SHC4: variants seen among roughly 807,000 people sequenced by gnomAD.
SHC4 encodes the protein SHC-transforming protein 4.
SHC4 carries 41 observed loss-of-function variants against 69.4 expected under a neutral mutation model. The observed-to-expected ratio is 0.59, with a 90% CI of 0.46 to 0.77. The LOEUF (loss-of-function observed/expected upper bound fraction) is 0.77, where lower values mean the gene tolerates loss of function less well. Ranked by LOEUF, SHC4 falls within the 30% of genes least tolerant of loss-of-function variation. SHC4 has a pLI of 0.00. For synonymous variants in SHC4, 318 were observed against 299.3 expected (o/e 1.06, Z -0.64); for missense variants, 777 against 783.8 (o/e 0.99, Z 0.10).
intron 2 of SHC4, among the ~76,000 whole-genome samples, chr15:48,913,329 G>T (rs1900546607): frequency 6.6e-6 from 1 of 152,010 alleles, no homozygotes; most frequent in Admixed American, 6.5e-5. Context: ...TACCTAGAAG[G>T]ATTATGGCTT....
intron 4 of SHC4, among the ~76,000 whole-genome samples, chr15:48,875,724 A>T (rs1201525662): frequency 6.6e-6 from 1 of 152,204 alleles, no homozygotes; most frequent in Non-Finnish European, 1.5e-5. Context: ...GTCATTTTGC[A>T]TCGGTATATG....
intron 1 of SHC4, among the ~76,000 whole-genome samples, chr15:48,935,400 G>T (rs1284775953): frequency 6.6e-6 from 1 of 152,146 alleles, no homozygotes; most frequent in African/African-American, 2.4e-5. Flanking sequence ...GGCTTCTCAA[G>T]GGCAGGGAGT....
Position 48,856,005 on chromosome 15 carries a change from G to A in SHC4, c.1190C>T (p.Ala397Val). 1 of 1,613,870 alleles carries A rather than the reference G, an allele frequency of 6.2e-7. No individual in the cohort carries two copies. The change falls in exon 8 of 12, where the codon GCC becomes GTC. Residue 397 changes from alanine (A) to valine (V), a missense_variant. By Grantham distance (64) the Ala-to-Val change is moderately conservative (BLOSUM62 0). Coordinates refer to ENST00000332408, the MANE Select transcript of SHC4 (RefSeq NM_203349.4). ...GGGGCAGTAAGCCATTTGTTCCGTGGCTTGAACTTTGATCCGCATATCTGA... is the reference window on the plus strand; with the variant it reads ...GGGGCAGTAAGCCATTTGTTCCGTGACTTGAACTTTGATCCGCATATCTGA... ...GVSDMRIKVQ[A>V]TEQMAYCPIQ...
At chr15:48,905,513 G>T (rs1019143299) in intron 2 of SHC4, among the ~76,000 whole-genome samples, 1 of 152,192 alleles carries the variant, frequency 6.6e-6, no homozygotes, top group African/African-American at 2.4e-5. Context: ...CTAGAGGCTG[G>T]CCACTGTATC....
intron 2 of SHC4, among the ~76,000 whole-genome samples, chr15:48,921,181 A>T (rs751471227): frequency 1.3e-5 from 2 of 152,162 alleles, no homozygotes; most frequent in East Asian, 3.8e-4. Context: ...TCTTGAATAC[A>T]TTGTGCTAAA....
intron 1 of SHC4, among the ~76,000 whole-genome samples, chr15:48,960,625 A>G (rs1595771397): frequency 6.6e-6 from 1 of 152,046 alleles, no homozygotes; most frequent in Non-Finnish European, 1.5e-5. Context: ...TGAGATCCTA[A>G]TTGTCTGTTT....
chr15:48,958,509 C>A (rs982244804), intron 1 of SHC4, among the ~76,000 whole-genome samples: 2 of 152,146 alleles, frequency 1.3e-5, no homozygotes, highest in African/African-American at 4.8e-5. Context: ...TGCCAAAGCT[C>A]GTCAAGGTTG....
intron 3 of SHC4, among the ~76,000 whole-genome samples, chr15:48,889,502 C>G (rs62010875): frequency 0.16 from 23,729 of 152,132 alleles, 2,125 homozygotes; most frequent in East Asian, 0.28. Flanking sequence ...GTCTCAGACT[C>G]AGTTTAGTAG....
At chr15:48,919,285 A>T (rs903318719) in intron 2 of SHC4, among the ~76,000 whole-genome samples, 1 of 75,278 alleles carries the variant, frequency 1.3e-5, no homozygotes, top group Non-Finnish European at 3.0e-5. Flanking sequence ...ACTCTTAAAA[A>T]TTTATTTTAA....
intron 6 of SHC4, 99 bp downstream of exon 6, chr15:48,867,719 G>A: frequency 2.0e-6 from 2 of 1,022,590 alleles, no homozygotes; most frequent in East Asian, 4.8e-5. Context: ...TAGCACCCTA[G>A]TGATAGTCAT....
intron 2 of SHC4, among the ~76,000 whole-genome samples, chr15:48,909,715 T>C (rs375374372): frequency 6.6e-6 from 1 of 152,312 alleles, no homozygotes; most frequent in African/African-American, 2.4e-5. Flanking sequence ...TTTTATTAAA[T>C]TAAGGTGTGT....
intron 2 of SHC4, among the ~76,000 whole-genome samples, chr15:48,920,015 G>GTT (rs11293084): frequency 1.2e-4 from 17 of 139,480 alleles, no homozygotes; most frequent in Non-Finnish European, 1.4e-4. Context: ...CACGGAGTTT[G>GTT]TTTTTTTTTT....
Position 48,843,393 on chromosome 15 carries a change from G to A in SHC4, c.1483+16C>T. On this transcript the variant is annotated intron_variant, in intron 10 of 11. Transcript: ENST00000332408. ...CAGCCCTAAGAAATGAATACAGACA[G>A]TGAGTAGCTACTTACTTCCGCAGTG... 1 of 1,594,062 alleles carries A rather than the reference G, an allele frequency of 6.3e-7. No homozygotes were observed. Among genetic ancestry groups the A allele is most frequent in the Non-Finnish European group, 8.6e-7 (1 of 1,167,178 alleles).
At chr15:48,891,974 C>A (rs1900145281) in intron 2 of SHC4, among the ~76,000 whole-genome samples, 2 of 152,194 alleles carry the variant, frequency 1.3e-5, no homozygotes, top group African/African-American at 4.8e-5. Context: ...CCTGCCTCAG[C>A]CTCCCGAGTA....
At chr15:48,866,651 T>C (rs560320682) in intron 6 of SHC4, among the ~76,000 whole-genome samples, 9 of 152,370 alleles carry the variant, frequency 5.9e-5, no homozygotes, top group African/African-American at 1.9e-4. Flanking sequence ...GTCTGTCCTA[T>C]AGATGCCTTT....
chr15:48,911,796 G>A (rs543591018), intron 2 of SHC4, among the ~76,000 whole-genome samples: 41 of 152,230 alleles, frequency 2.7e-4, no homozygotes, highest in African/African-American at 9.9e-4. Flanking sequence ...ATGTGGTAAT[G>A]GTGAATTCTC....
chr15:48,839,849 G>A (rs1898960701), intron 10 of SHC4, among the ~76,000 whole-genome samples: 2 of 152,200 alleles, frequency 1.3e-5, no homozygotes, highest in South Asian at 2.1e-4. Flanking sequence ...TTGTGGCAGA[G>A]ACAGTCATCT....
chr15:48,960,082 A>T lies in SHC4; in HGVS notation c.585+2349T>A, dbSNP rs751486251. ...CATTAGCTTGTATCGGACATCACGG[A>T]TATCGGCAATCTTGTGAGGTTCATT... is the stretch of plus-strand genomic sequence containing the variant. On this transcript the variant is annotated intron_variant, in intron 1 of 11. Coordinates refer to ENST00000332408, the MANE Select transcript of SHC4 (RefSeq NM_203349.4). Among the ~76,000 whole-genome samples, 3 of 152,218 alleles carry T rather than the reference A, an allele frequency of 2.0e-5. 1 individual carries two copies. The South Asian group carries it at 6.2e-4, about 32-fold the overall frequency.
rs28497049 is a variant in SHC4, at chr15:48,929,563, A to G, written c.586-4614T>C. Among the ~76,000 whole-genome samples the G allele has an allele frequency of 1.9e-3, 295 of 152,340 alleles. 3 individuals are homozygous for G. Among genetic ancestry groups the G allele is most frequent in the African/African-American group, 7.0e-3 (291 of 41,572 alleles). On this transcript the variant is annotated intron_variant, in intron 1 of 11. Transcript: ENST00000332408. ...CTGCAGTCCATTGCTAGGACCCTGTATAACAGAAAAAGTGAAAAGAGGAGT... is the reference window on the plus strand; with the variant it reads ...CTGCAGTCCATTGCTAGGACCCTGTGTAACAGAAAAAGTGAAAAGAGGAGT...
Sources: gnomAD v4.1 joint callset for allele counts (sites outside exome capture counted in the v4.1 genomes callset) on GRCh38, gnomAD v4.1.1 for gene constraint, MANE v1.5 for transcripts, NCBI Gene and HGNC (gene_info 2026-07-23, HGNC 2026-07-21) for gene names.